GEMIN5: variants seen among roughly 807,000 people sequenced by gnomAD.
GEMIN5 encodes gem nuclear organelle associated protein 5.
GEMIN5 carries 124 observed loss-of-function variants against 176.9 expected under a neutral mutation model. The observed-to-expected ratio is 0.70, with a 90% CI of 0.61 to 0.81. GEMIN5 has a LOEUF of 0.81. Among genes scored for constraint, GEMIN5 ranks in the 40% least tolerant of loss-of-function variants. The pLI is 0.00. For missense variants in GEMIN5, 1,843 were observed against 1,814.6 expected (o/e 1.02, Z -0.28); for synonymous variants, 673 against 665.2 (o/e 1.01, Z -0.18).
intron 15 of GEMIN5, among the ~76,000 whole-genome samples, chr5:154,911,072 T>C (rs1374818810): frequency 1.3e-5 from 2 of 152,246 alleles, no homozygotes; most frequent in Non-Finnish European, 2.9e-5. Context: ...TTTTGTCCTT[T>C]TGACATGTCT....
At chr5:154,930,297 C>A (rs2113510671) in intron 5 of GEMIN5, among the ~76,000 whole-genome samples, 1 of 152,352 alleles carries the variant, frequency 6.6e-6, no homozygotes, top group Non-Finnish European at 1.5e-5. Context: ...GGGATAAGAA[C>A]CCCTCCCCTC....
intron 1 of GEMIN5, 30 bp from the exon 2 acceptor site, chr5:154,937,215 C>A: frequency 1.9e-6 from 3 of 1,556,734 alleles, no homozygotes; most frequent in South Asian, 1.2e-5. Flanking sequence ...CTAGGTTAAT[C>A]GAAGTGCTAT....
intron 16 of GEMIN5, among the ~76,000 whole-genome samples, chr5:154,906,566 A>C (rs916897454): frequency 6.6e-6 from 1 of 152,126 alleles, no homozygotes; most frequent in African/African-American, 2.4e-5. Flanking sequence ...TGTGAAAGAA[A>C]GACTTTTTAA....
intron 15 of GEMIN5, among the ~76,000 whole-genome samples, chr5:154,909,540 G>C (rs1289203514): frequency 1.0e-5 from 1 of 99,426 alleles, no homozygotes; most frequent in Non-Finnish European, 2.2e-5. Flanking sequence ...TAAATACTTT[G>C]GTACAAAGTA....
chr5:154,889,170 C>T (rs1030237798), intron 27 of GEMIN5, 151 bp downstream of exon 27: 12 of 501,776 alleles, frequency 2.4e-5, no homozygotes, highest in African/African-American at 2.3e-4. Context: ...GCCACCACGC[C>T]CAGCCTGGAT....
At chr5:154,906,500 T>C (rs146056500) in intron 16 of GEMIN5, among the ~76,000 whole-genome samples, 199 of 152,350 alleles carry the variant, frequency 1.3e-3, no homozygotes, top group African/African-American at 4.7e-3. Flanking sequence ...GTCACAATCC[T>C]GAGCACAGGA....
intron 1 of GEMIN5, 89 bp from the exon 2 acceptor site, chr5:154,937,274 A>G (rs1764289443): frequency 9.1e-7 from 1 of 1,101,674 alleles, no homozygotes; most frequent in Non-Finnish European, 1.3e-6. Flanking sequence ...AAGTGAGCAG[A>G]TGCTTTGGAG....
chr5:154,934,760 T>C (rs1384330849), intron 3 of GEMIN5, among the ~76,000 whole-genome samples: 2 of 152,198 alleles, frequency 1.3e-5, no homozygotes, highest in Non-Finnish European at 2.9e-5. Flanking sequence ...ATGGCCACGA[T>C]TCTTTGTTTG....
intron 15 of GEMIN5, 50 bp downstream of exon 15, chr5:154,911,674 AATT>A: frequency 6.8e-7 from 1 of 1,464,450 alleles, no homozygotes; most frequent in South Asian, 1.2e-5. Flanking sequence ...TGATCAACTC[AATT>A]ATTAAGAAAG....
At chr5:154,903,562 G>A (rs1305547216) in intron 18 of GEMIN5, among the ~76,000 whole-genome samples, 1 of 152,108 alleles carries the variant, frequency 6.6e-6, no homozygotes, top group Non-Finnish European at 1.5e-5. Flanking sequence ...GTTATAGGAA[G>A]TCATCACAAA....
intron 10 of GEMIN5, among the ~76,000 whole-genome samples, 196 bp downstream of exon 10, chr5:154,921,147 T>C (rs1282229644): frequency 6.6e-6 from 1 of 152,188 alleles, no homozygotes; most frequent in Non-Finnish European, 1.5e-5. Context: ...AAGCTTATTA[T>C]GGGTAAATGG....
Position 154,898,766 on chromosome 5 carries a change from C to T in GEMIN5, c.3135-116G>A. On this transcript the variant is annotated intron_variant, in intron 22 of 27. Transcript: ENST00000285873. ...TGCTGCATGTGCCTTCCTGTGGTCC[C>T]AGGTATGTCACTGCCCCGGTTGTTC... 3 of 837,730 alleles carry T rather than the reference C, an allele frequency of 3.6e-6. No individual in the cohort carries two copies. In the South Asian group the frequency reaches 4.9e-5, roughly 14 times the overall value. 51.9% of individuals were successfully genotyped at this position (837,730 alleles called of 1,614,324 possible).
rs143316335 is a variant in GEMIN5 at position 154,898,433 on chromosome 5, G to C, written c.3345+7C>G. 5 of 1,608,058 alleles carry C rather than the reference G, an allele frequency of 3.1e-6. No individual in the cohort carries two copies. In the African/African-American group the frequency reaches 4.0e-5, roughly 13 times the overall value. On this transcript the variant is annotated splice_region_variant and intron_variant, in intron 23 of 27. Coordinates refer to ENST00000285873, the MANE Select transcript of GEMIN5 (RefSeq NM_015465.5). Reference sequence around the variant, plus strand: ...TTGTATACTAGGAGATGAAATAACAGACTGACCTGTAGACTTTCATGCAGC... The same window carrying C: ...TTGTATACTAGGAGATGAAATAACACACTGACCTGTAGACTTTCATGCAGC...
Position 154,917,159 on chromosome 5 carries a change from A to G in GEMIN5, c.1694T>C (p.Ile565Thr). 1 of 1,498,850 alleles carries G rather than the reference A, an allele frequency of 6.7e-7. No homozygotes were observed. Among genetic ancestry groups the G allele is most frequent in the Non-Finnish European group, 9.0e-7 (1 of 1,107,620 alleles). 92.8% of individuals were successfully genotyped at this position (1,498,850 alleles called of 1,614,324 possible). ...NEDGSIEIFQ[I>T]PNLKLICTIQ... ...AGTACAGATCAGTTTCAGGTTGGGA[A>G]TCTGAAATATTTCTATTGATCTGGA... Residue 565 changes from isoleucine (I) to threonine (T), a missense_variant, in exon 13 of 28, where the codon ATT becomes ACT. Ile to Thr is a moderately conservative substitution (Grantham distance 89). Transcript: ENST00000285873.
In GEMIN5 at chr5:154,899,354, T is replaced by A. The variant is rs767895856; in HGVS notation, c.3015-44A>T. 4.5e-6 allele frequency: 7 copies of A among 1,564,670 alleles called. No individual in the cohort carries two copies. The South Asian group carries it at 8.5e-5, about 19-fold the overall frequency. ...CCTTTAGCCAATCTGAAAAGGCTCC[T>A]CTGTGTATGGTCCTAGGAGGGGCTG... On this transcript the variant is annotated intron_variant, in intron 21 of 27. Transcript: ENST00000285873.
intron 15 of GEMIN5, among the ~76,000 whole-genome samples, chr5:154,909,415 T>C (rs1169076805): frequency 6.6e-6 from 1 of 152,120 alleles, no homozygotes; most frequent in Admixed American, 6.5e-5. Flanking sequence ...AATTCTTCCA[T>C]TACTGTTACA....
At chr5:154,922,286 G>A (rs1419026569) in intron 9 of GEMIN5, among the ~76,000 whole-genome samples, 1 of 151,926 alleles carries the variant, frequency 6.6e-6, no homozygotes, top group Non-Finnish European at 1.5e-5. Context: ...TCCTGCCTCA[G>A]CCTCTGGAGT....
Position 154,896,121 on chromosome 5 carries a change from A to C in GEMIN5, c.3568T>G (p.Ser1190Ala), listed in dbSNP as rs1278767723. ...FQKLQNIKYP[S>A]ATNNTPAKQL... ...TTGGCAGGTGTGTTATTTGTAGCAGATGGGTACTTGATGTTCTGCAGCTTC... is the reference window on the plus strand; with the variant it reads ...TTGGCAGGTGTGTTATTTGTAGCAGCTGGGTACTTGATGTTCTGCAGCTTC... The change falls in exon 24 of 28, where the codon TCT becomes GCT. Residue 1190 changes from serine (S) to alanine (A), a missense_variant. Ser to Ala is a moderately conservative substitution (Grantham distance 99). Transcript: ENST00000285873. The C allele has an allele frequency of 1.2e-6, 2 of 1,613,660 alleles. No individual in the cohort carries two copies. The highest frequency in any genetic ancestry group is 2.7e-5 in the African/African-American group (2 of 74,912).
intron 13 of GEMIN5, 22 bp downstream of exon 13, chr5:154,916,976 G>A (rs148584245): frequency 9.2e-6 from 13 of 1,418,194 alleles, no homozygotes; most frequent in African/African-American, 2.8e-5. Flanking sequence ...ATCATCCCCA[G>A]TATGAAAGAA....
Sources: gnomAD v4.1 joint callset for allele counts (sites outside exome capture counted in the v4.1 genomes callset) on GRCh38, gnomAD v4.1.1 for gene constraint, MANE v1.5 for transcripts, NCBI Gene and HGNC (gene_info 2026-07-23, HGNC 2026-07-21) for gene names.